Variants in AKAP13 observed in about 807,000 individuals in gnomAD.
AKAP13 encodes A-kinase anchoring protein 13, also known as A-kinase anchor protein 13.
In AKAP13, 80 loss-of-function variants were observed where a neutral mutation model predicts 264.5. That is an observed-to-expected ratio of 0.30 (90% CI 0.25 to 0.36). AKAP13 has a LOEUF of 0.36. Ranked by LOEUF, AKAP13 falls within the 10% of genes least tolerant of loss-of-function variation. AKAP13 has a pLI of 1.00. For synonymous variants in AKAP13, 1,380 were observed against 1,250.2 expected (o/e 1.10, Z -2.19); for missense variants, 3,712 against 3,435.2 (o/e 1.08, Z -2.01).
intron 1 of AKAP13, among the ~76,000 whole-genome samples, chr15:85,410,836 T>C (rs2071925899): frequency 6.6e-6 from 1 of 151,768 alleles, no homozygotes; most frequent in Admixed American, 6.6e-5. Flanking sequence ...TTTTCTGTGC[T>C]GTTTCATTGG....
At chr15:85,455,602 C>A (rs910441466) in intron 1 of AKAP13, among the ~76,000 whole-genome samples, 1 of 152,046 alleles carries the variant, frequency 6.6e-6, no homozygotes, top group African/African-American at 2.4e-5. Flanking sequence ...AATTCAGACA[C>A]AGTGTTTTTA....
intron 5 of AKAP13, among the ~76,000 whole-genome samples, chr15:85,546,144 A>G (rs1392759481): frequency 6.6e-6 from 1 of 152,188 alleles, no homozygotes; most frequent in African/African-American, 2.4e-5. Context: ...GTAACGTGTC[A>G]GAAAAACAAT....
At position 85,722,213 on chromosome 15, in the gene AKAP13, T is replaced by C. The variant is rs1483778740; in HGVS notation, c.6379-17T>C. Reference sequence around the variant, plus strand: ...CTTTTTCATGTGATTCCTCACAGTCTGTTTACTCCCTTGCAGAAGAAGATG... The same window carrying C: ...CTTTTTCATGTGATTCCTCACAGTCCGTTTACTCCCTTGCAGAAGAAGATG... On this transcript the variant is annotated splice_polypyrimidine_tract_variant and intron_variant, in intron 24 of 36. Transcript: ENST00000394518. The C allele has an allele frequency of 1.2e-6, 2 of 1,609,836 alleles. No individual in the cohort carries two copies. The highest frequency in any genetic ancestry group is 2.7e-5 in the African/African-American group (2 of 74,684).
In AKAP13 at chr15:85,719,107, C is replaced by T. The variant is rs1245009187; in HGVS notation, c.6033C>T (p.Arg2011=). The T allele has an allele frequency of 6.2e-7, 1 of 1,614,132 alleles. No homozygotes were observed. The highest frequency in any genetic ancestry group is 2.2e-5 in the East Asian group (1 of 44,872). ...TGCAGACAGAGTTTCATCATGTCCGCACTCTCAAGATCATGAGTGGTGTGT... is the reference window on the plus strand; with the variant it reads ...TGCAGACAGAGTTTCATCATGTCCGTACTCTCAAGATCATGAGTGGTGTGT... ...ELMQTEFHHV[R]TLKIMSGVYS... Residue 2011 remains arginine, a synonymous_variant, in exon 23 of 37, where the codon CGC becomes CGT. Coordinates refer to ENST00000394518, the MANE Select transcript of AKAP13 (RefSeq NM_007200.5).
intron 10 of AKAP13, among the ~76,000 whole-genome samples, chr15:85,652,398 A>G (rs2082898413): frequency 6.6e-6 from 1 of 152,216 alleles, no homozygotes; most frequent in Non-Finnish European, 1.5e-5. Flanking sequence ...GAGAAGAGCT[A>G]ACTTGTAAGA....
intron 2 of AKAP13, among the ~76,000 whole-genome samples, chr15:85,498,283 C>T (rs1048978927): frequency 4.0e-5 from 6 of 149,602 alleles, no homozygotes; most frequent in Non-Finnish European, 5.9e-5. Context: ...TAAAAAGAGA[C>T]GTACCCCCGT....
chr15:85,709,499 C>T (rs2086505718), intron 18 of AKAP13, among the ~76,000 whole-genome samples: 1 of 151,958 alleles, frequency 6.6e-6, no homozygotes, highest in Non-Finnish European at 1.5e-5. Flanking sequence ...CCCCACCCCA[C>T]CCCAGCTTGC....
In AKAP13 at chr15:85,649,862, C is replaced by T. The variant is rs574903844; in HGVS notation, c.4374+3908C>T. Among the ~76,000 whole-genome samples the T allele has an allele frequency of 2.6e-5, 4 of 152,242 alleles. No homozygotes were observed. In the East Asian group the frequency reaches 7.7e-4, roughly 29 times the overall value. On this transcript the variant is annotated intron_variant, in intron 10 of 36. Transcript: ENST00000394518. ...TATAAAATATACATGATCTAGGCCA[C>T]TCTACTATCCAAAAGGATAATTAAA...
In AKAP13 at chr15:85,585,770, G is replaced by C. The variant is rs755190289; in HGVS notation, c.4108G>C (p.Val1370Leu). ...RASSISEEVA[V>L]GSIAATLKMK... ...AAGTTCAATTTCTGAAGAAGTGGCT[G>C]TAGGGAGCATAGCTGCTACACTGAA... is the stretch of plus-strand genomic sequence containing the variant. The change falls in exon 8 of 37, where the codon GTA becomes CTA. Residue 1370 changes from valine (V) to leucine (L), a missense_variant. Around this residue, in one of 3 missense-constraint regions of AKAP13, gnomAD observed 2,759 missense variants for 2,411.7 expected, o/e 1.14. Transcript: ENST00000394518. 15 of 1,614,046 alleles carry C rather than the reference G, an allele frequency of 9.3e-6. No individual in the cohort carries two copies. Among genetic ancestry groups the C allele is most frequent in the Non-Finnish European group, 4.2e-6 (5 of 1,179,998 alleles).
intron 8 of AKAP13, among the ~76,000 whole-genome samples, chr15:85,591,221 A>AAAT (rs991058038): frequency 0.03 from 15 of 502 alleles, no homozygotes; most frequent in African/African-American, 0.13. Flanking sequence ...TTTCTATGTG[A>AAAT]ATAATTTTTC....
chr15:85,538,545 A>G (rs1475055029), intron 4 of AKAP13, among the ~76,000 whole-genome samples: 1 of 143,414 alleles, frequency 7.0e-6, no homozygotes, highest in Non-Finnish European at 1.5e-5. Flanking sequence ...GCTGGAGTGC[A>G]GTGGTGTGAT....
chr15:85,438,399 A>G (rs1179943304), intron 1 of AKAP13, among the ~76,000 whole-genome samples: 1 of 151,758 alleles, frequency 6.6e-6, no homozygotes, highest in East Asian at 1.9e-4. Flanking sequence ...TTCCCAAGGT[A>G]ATTTACAGAT....
chr15:85,404,129 C>G (rs2071560141), intron 1 of AKAP13, among the ~76,000 whole-genome samples: 1 of 152,128 alleles, frequency 6.6e-6, no homozygotes. Context: ...CATCAGAAAT[C>G]ATTAGTGTAA....
At chr15:85,646,821 G>A (rs2082580161) in intron 10 of AKAP13, among the ~76,000 whole-genome samples, 1 of 152,126 alleles carries the variant, frequency 6.6e-6, no homozygotes, top group Non-Finnish European at 1.5e-5. Context: ...GGGGAATGGG[G>A]GTAGTTTGCT....
At chr15:85,518,036 A>T (rs974706210) in intron 2 of AKAP13, among the ~76,000 whole-genome samples, 1 of 152,082 alleles carries the variant, frequency 6.6e-6, no homozygotes, top group African/African-American at 2.4e-5. Context: ...TAATAAGTTG[A>T]TCTATTTTAT....
At chr15:85,583,710 G>T (rs1008132332) in intron 7 of AKAP13, among the ~76,000 whole-genome samples, 2 of 152,220 alleles carry the variant, frequency 1.3e-5, no homozygotes, top group African/African-American at 4.8e-5. Context: ...TGTGAACTCT[G>T]TGGGGATTGT....
At chr15:85,664,413 ATTC>A in intron 12 of AKAP13, 147 bp from the exon 13 acceptor site, 1 of 694,654 alleles carries the variant, frequency 1.4e-6, no homozygotes, top group East Asian at 2.6e-5. Context: ...GGTAGGTAGT[ATTC>A]TTTGTGCCAT....
intron 16 of AKAP13, chr15:85,693,019 G>T: frequency 4.8e-6 from 2 of 417,884 alleles, no homozygotes; most frequent in Non-Finnish European, 8.2e-6. Flanking sequence ...TGTGTCTGTT[G>T]GTAGAAGTAA....
At chr15:85,472,999 T>G (rs1165223486) in intron 1 of AKAP13, among the ~76,000 whole-genome samples, 1 of 152,220 alleles carries the variant, frequency 6.6e-6, no homozygotes, top group Non-Finnish European at 1.5e-5. Flanking sequence ...ACCCTTTCCT[T>G]TAAAATTACT....
Sources: allele counts gnomAD v4.1 joint callset (sites outside exome capture counted in the v4.1 genomes callset), GRCh38; gene constraint gnomAD v4.1.1; regional missense constraint gnomAD v4.1.1; transcripts MANE v1.5; gene names NCBI Gene and HGNC (gene_info 2026-07-23, HGNC 2026-07-21).